The following LOC128462377 variants were observed in gnomAD, a reference collection of about 807,000 sequenced individuals.
chr16:89,382,633 G>A, the LOC128462377 span, among the ~76,000 whole-genome samples: 1 of 151,286 alleles, frequency 6.6e-6, no homozygotes, highest in Non-Finnish European at 1.5e-5. Flanking sequence ...CACCACACTT[G>A]GCCGACAAAT....
chr16:89,377,160 G>A, the LOC128462377 span, among the ~76,000 whole-genome samples: 1 of 152,168 alleles, frequency 6.6e-6, no homozygotes, highest in African/African-American at 2.4e-5. Flanking sequence ...CGTCAACGTG[G>A]TCTTCCTGTC....
chr16:89,356,699 T>C, the LOC128462377 span, among the ~76,000 whole-genome samples: 2 of 144,580 alleles, frequency 1.4e-5, no homozygotes, highest in Non-Finnish European at 3.0e-5. Flanking sequence ...GAGAATGGTA[T>C]GAACCCGGGA....
chr16:89,332,665 A>G, the LOC128462377 span, among the ~76,000 whole-genome samples: 1 of 152,202 alleles, frequency 6.6e-6, no homozygotes, highest in Non-Finnish European at 1.5e-5. Flanking sequence ...CGACAAACAC[A>G]ACGAGAGAGG....
chr16:89,331,005 G>C, the LOC128462377 span, among the ~76,000 whole-genome samples: 1 of 152,230 alleles, frequency 6.6e-6, no homozygotes, highest in Non-Finnish European at 1.5e-5. Flanking sequence ...CCAGGCTGGA[G>C]TGCAATGGTG....
At chr16:89,333,619 T>A in the LOC128462377 span, among the ~76,000 whole-genome samples, 1 of 152,198 alleles carries the variant, frequency 6.6e-6, no homozygotes, top group South Asian at 2.1e-4. Context: ...CCCTACAGTG[T>A]GTAGTCCTTG....
the LOC128462377 span, among the ~76,000 whole-genome samples, chr16:89,370,162 T>C: frequency 1.6e-4 from 25 of 152,354 alleles, no homozygotes; most frequent in Non-Finnish European, 3.5e-4. Flanking sequence ...CTTTGCATTC[T>C]TCCCCACGCC....
chr16:89,369,394 G>A, the LOC128462377 span, among the ~76,000 whole-genome samples: 2 of 152,220 alleles, frequency 1.3e-5, no homozygotes, highest in Non-Finnish European at 2.9e-5. Flanking sequence ...CCCTGCCACA[G>A]GGAGGGCTGT....
the LOC128462377 span, among the ~76,000 whole-genome samples, chr16:89,371,434 G>A: frequency 6.6e-6 from 1 of 152,224 alleles, no homozygotes; most frequent in Admixed American, 6.5e-5. Context: ...CTCGGTGCAT[G>A]GAGGCCAGAG....
the LOC128462377 span, among the ~76,000 whole-genome samples, chr16:89,344,160 C>T: frequency 7.2e-5 from 11 of 152,302 alleles, no homozygotes; most frequent in African/African-American, 1.2e-4. Context: ...GGAGCACACA[C>T]GGGCAACCCT....
chr16:89,354,129 C>T, the LOC128462377 span, among the ~76,000 whole-genome samples: 1 of 151,740 alleles, frequency 6.6e-6, no homozygotes, highest in African/African-American at 2.4e-5. Flanking sequence ...CACTCCACTG[C>T]TTCTAAATAA....
the LOC128462377 span, among the ~76,000 whole-genome samples, chr16:89,330,553 G>C: frequency 6.6e-6 from 1 of 151,680 alleles, no homozygotes. Flanking sequence ...CATTGATGGG[G>C]TGGTGTGGGG....
At chr16:89,393,312 T>TA in the LOC128462377 span, among the ~76,000 whole-genome samples, 3 of 149,582 alleles carry the variant, frequency 2.0e-5, no homozygotes, top group East Asian at 3.9e-4. Flanking sequence ...TTTTTTATTT[T>TA]TATTTTTTTT....
At chr16:89,342,198 G>A in the LOC128462377 span, among the ~76,000 whole-genome samples, 2,252 of 152,356 alleles carry the variant, frequency 0.015, 48 homozygotes, top group African/African-American at 0.051. Flanking sequence ...CTGACAGGTA[G>A]GTCTCCACCA....
the LOC128462377 span, among the ~76,000 whole-genome samples, chr16:89,339,561 G>A: frequency 6.6e-6 from 1 of 152,090 alleles, no homozygotes; most frequent in Non-Finnish European, 1.5e-5. Flanking sequence ...AATTTATTTA[G>A]AATGGGTTAT....
the LOC128462377 span, among the ~76,000 whole-genome samples, chr16:89,345,743 ACACACCAGGTGCATGCTGTG>A: frequency 2.0e-5 from 3 of 152,160 alleles, no homozygotes; most frequent in Admixed American, 2.0e-4. Context: ...TTCAGAAAAT[ACACACCAGGTGCATGCTGTG>A]CACACCAGGT....
chr16:89,326,160 T>C, the LOC128462377 span, among the ~76,000 whole-genome samples: 13 of 152,202 alleles, frequency 8.5e-5, no homozygotes, highest in African/African-American at 2.9e-4. Context: ...AAGGTACAAT[T>C]GCACAGCTAA....
the LOC128462377 span, among the ~76,000 whole-genome samples, chr16:89,376,638 C>T: frequency 1.3e-5 from 2 of 152,166 alleles, no homozygotes; most frequent in Admixed American, 1.3e-4. Context: ...AGGGTTTCAC[C>T]ATGTTGGCCA....
At chr16:89,341,873 G>A in the LOC128462377 span, among the ~76,000 whole-genome samples, 4,992 of 121,964 alleles carry the variant, frequency 0.041, 325 homozygotes, top group East Asian at 0.22. Flanking sequence ...CAGCGGCCAC[G>A]GCCCACGGCA....
the LOC128462377 span, among the ~76,000 whole-genome samples, chr16:89,332,135 A>T: frequency 6.6e-6 from 1 of 152,196 alleles, no homozygotes; most frequent in Non-Finnish European, 1.5e-5. Context: ...ATTAAAAAAA[A>T]AAGATAATAA....
Sources: allele counts gnomAD v4.1 joint callset (sites outside exome capture counted in the v4.1 genomes callset), GRCh38; gene constraint gnomAD v4.1.1; transcripts MANE v1.5.